The following SPMIP4 variants were observed in gnomAD, a reference collection of about 807,000 sequenced individuals.
SPMIP4 encodes the protein sperm microtubule inner protein 4.
chr7:25,153,450 T>C, the SPMIP4 span, among the ~76,000 whole-genome samples: 2 of 151,908 alleles, frequency 1.3e-5, no homozygotes, highest in East Asian at 3.9e-4. Flanking sequence ...CACGTGCCTA[T>C]AGTCCCTGCT....
chr7:25,142,556 A>G, the SPMIP4 span: 1 of 1,213,968 alleles, frequency 8.2e-7, no homozygotes, highest in Non-Finnish European at 1.2e-6. Context: ...AGGCAAAAAC[A>G]TGAGAAGTTG....
At chr7:25,160,749 T>C in the SPMIP4 span, among the ~76,000 whole-genome samples, 1 of 152,222 alleles carries the variant, frequency 6.6e-6, no homozygotes, top group African/African-American at 2.4e-5. Flanking sequence ...AAATAATACT[T>C]AGGAAGTGTT....
At chr7:25,127,574 A>C in the SPMIP4 span, among the ~76,000 whole-genome samples, 2 of 152,200 alleles carry the variant, frequency 1.3e-5, no homozygotes, top group Non-Finnish European at 2.9e-5. Context: ...ATCTTGTAGA[A>C]TTCTGAATTT....
At chr7:25,170,462 T>C in the SPMIP4 span, among the ~76,000 whole-genome samples, 1 of 152,260 alleles carries the variant, frequency 6.6e-6, no homozygotes, top group Non-Finnish European at 1.5e-5. Context: ...GCAGATATTT[T>C]CTCCTGTTCT....
At chr7:25,135,191 T>C in the SPMIP4 span, 2 of 512,422 alleles carry the variant, frequency 3.9e-6, no homozygotes, top group South Asian at 1.7e-4. Flanking sequence ...GGCTCTGTAA[T>C]AACTGATACC....
At chr7:25,147,872 C>T in the SPMIP4 span, among the ~76,000 whole-genome samples, 323 of 152,264 alleles carry the variant, frequency 2.1e-3, 2 homozygotes, top group African/African-American at 6.5e-3. Context: ...CCTGCTTTAT[C>T]TGTGAGGAAA....
At chr7:25,136,428 TTC>T in the SPMIP4 span, 1 of 1,614,206 alleles carries the variant, frequency 6.2e-7, no homozygotes, top group South Asian at 1.1e-5. The surrounding 1 kb of genome is among the most constrained non-coding windows in gnomAD (Gnocchi z 5.7). Context: ...AGTATAAATC[TTC>T]TGTCTTTTTA....
chr7:25,161,178 C>T, the SPMIP4 span: 2 of 1,498,096 alleles, frequency 1.3e-6, no homozygotes. Context: ...AGGAAAAAAA[C>T]CCAGACTTAC....
the SPMIP4 span, among the ~76,000 whole-genome samples, chr7:25,149,221 T>G: frequency 6.6e-6 from 1 of 152,078 alleles, no homozygotes; most frequent in Non-Finnish European, 1.5e-5. Flanking sequence ...GGCAACATAA[T>G]GAGACTTCAT....
the SPMIP4 span, among the ~76,000 whole-genome samples, chr7:25,145,588 T>C: frequency 6.6e-6 from 1 of 152,170 alleles, no homozygotes; most frequent in African/African-American, 2.4e-5. Context: ...TTATATCTGA[T>C]ATGGAAGATA....
At chr7:25,127,366 C>T in the SPMIP4 span, among the ~76,000 whole-genome samples, 59 of 152,246 alleles carry the variant, frequency 3.9e-4, no homozygotes, top group Middle Eastern at 3.4e-3. Flanking sequence ...AGGTGTACCT[C>T]ATTCATTTTT....
At chr7:25,148,854 A>G in the SPMIP4 span, among the ~76,000 whole-genome samples, 1 of 152,162 alleles carries the variant, frequency 6.6e-6, no homozygotes, top group Non-Finnish European at 1.5e-5. Flanking sequence ...ACAAAAACCA[A>G]CTCATAAATT....
At chr7:25,128,551 C>T in the SPMIP4 span, among the ~76,000 whole-genome samples, 2 of 152,184 alleles carry the variant, frequency 1.3e-5, no homozygotes, top group African/African-American at 4.8e-5. The surrounding 1 kb of genome is among the most constrained non-coding windows in gnomAD (Gnocchi z 4.5). Context: ...CTTCAGTCAG[C>T]TTGTGATAAA....
At chr7:25,173,828 T>C in the SPMIP4 span, among the ~76,000 whole-genome samples, 1 of 152,320 alleles carries the variant, frequency 6.6e-6, no homozygotes, top group African/African-American at 2.4e-5. This position sits in a 1 kb window ranked among gnomAD's most constrained non-coding sequence, Gnocchi z 4.4. Context: ...AAAATGCTAA[T>C]CAATCATTTG....
chr7:25,158,390 A>C, the SPMIP4 span: 70 of 706,552 alleles, frequency 9.9e-5, no homozygotes, highest in Non-Finnish European at 1.6e-4. Flanking sequence ...AAAAAAAAAG[A>C]AACGTTTTCA....
chr7:25,151,751 G>A, the SPMIP4 span: 64 of 825,108 alleles, frequency 7.8e-5, no homozygotes, highest in Admixed American at 3.5e-4. Flanking sequence ...ACAATAAATA[G>A]AAATGAGATA....
At chr7:25,127,570 T>C in the SPMIP4 span, among the ~76,000 whole-genome samples, 2 of 152,242 alleles carry the variant, frequency 1.3e-5, no homozygotes, top group African/African-American at 4.8e-5. Context: ...ATTTATCTTG[T>C]AGAATTCTGA....
At chr7:25,136,314 C>G in the SPMIP4 span, 3 of 1,614,172 alleles carry the variant, frequency 1.9e-6, no homozygotes, top group African/African-American at 2.7e-5. This position sits in a 1 kb window ranked among gnomAD's most constrained non-coding sequence, Gnocchi z 5.7. Context: ...GGTCTGGACA[C>G]ATATTATACT....
chr7:25,166,622 C>T, the SPMIP4 span, among the ~76,000 whole-genome samples: 2 of 151,858 alleles, frequency 1.3e-5, no homozygotes, highest in South Asian at 2.1e-4. Flanking sequence ...CGCGGTGGCT[C>T]ATGTCTGTAA....
Sources: allele counts gnomAD v4.1 joint callset (sites outside exome capture counted in the v4.1 genomes callset), GRCh38; gene constraint gnomAD v4.1.1; non-coding constraint Gnocchi (gnomAD v3.1); transcripts MANE v1.5; gene names NCBI Gene and HGNC (gene_info 2026-07-23, HGNC 2026-07-21).